RAB3IL1: variants seen among roughly 807,000 people sequenced by gnomAD.
The protein encoded by RAB3IL1 is guanine nucleotide exchange factor for Rab-3A.
RAB3IL1 carries 37 observed loss-of-function variants against 49.2 expected under a neutral mutation model. That is an observed-to-expected ratio of 0.75 (90% CI 0.58 to 0.99). The LOEUF (loss-of-function observed/expected upper bound fraction) is 0.99. Ranked by LOEUF, RAB3IL1 falls within the 50% of genes least tolerant of loss-of-function variation. RAB3IL1 has a pLI of 0.00. For missense variants in RAB3IL1, 484 were observed against 513.0 expected, an observed-to-expected ratio of 0.94 and a Z score of 0.55; for synonymous variants, 193 against 213.9, an observed-to-expected ratio of 0.90 and a Z score of 0.85.
upstream of RAB3IL1, among the ~76,000 whole-genome samples, chr11:61,925,031 T>G (rs1413955686): frequency 6.6e-6 from 1 of 152,198 alleles, no homozygotes; most frequent in Non-Finnish European, 1.5e-5. Context: ...TGGCAGAATG[T>G]GGGGTGAACT....
upstream of RAB3IL1, among the ~76,000 whole-genome samples, chr11:61,918,704 C>T (rs73491251): frequency 0.016 from 2,508 of 152,314 alleles, 65 homozygotes; most frequent in African/African-American, 0.057. Context: ...GCTCTTTCCC[C>T]GCTGGGCACA....
chr11:61,945,522 T>C, the RAB3IL1 span, among the ~76,000 whole-genome samples: 1 of 152,198 alleles, frequency 6.6e-6, no homozygotes, highest in East Asian at 1.9e-4. Context: ...AGTTTCTTTG[T>C]CTGCAAAATG....
At chr11:61,910,865 G>A (rs1939425148) in intron 1 of RAB3IL1, among the ~76,000 whole-genome samples, 1 of 152,244 alleles carries the variant, frequency 6.6e-6, no homozygotes, top group South Asian at 2.1e-4. Flanking sequence ...GCTGCTCACT[G>A]CAGGCCAAGG....
intron 1 of RAB3IL1, among the ~76,000 whole-genome samples, chr11:61,914,712 G>C (rs1939603806): frequency 6.6e-6 from 1 of 152,116 alleles, no homozygotes; most frequent in African/African-American, 2.4e-5. Context: ...GTAGCCCAGG[G>C]CTGGAGCCAT....
chr11:61,907,706 C>A, intron 2 of RAB3IL1, 46 bp from the exon 3 acceptor site: 1 of 1,575,084 alleles, frequency 6.3e-7, no homozygotes, highest in Non-Finnish European at 8.7e-7. Flanking sequence ...CATCCCCAGG[C>A]CTGGCACGGG....
the RAB3IL1 span, among the ~76,000 whole-genome samples, chr11:61,934,450 G>GTATGTA: frequency 9.5e-5 from 3 of 31,614 alleles, no homozygotes; most frequent in Admixed American, 3.7e-4. Context: ...GTGTGTGTAT[G>GTATGTA]TATATATATA....
chr11:61,944,838 C>T, the RAB3IL1 span, among the ~76,000 whole-genome samples: 2 of 152,202 alleles, frequency 1.3e-5, no homozygotes, highest in African/African-American at 4.8e-5. Context: ...GCTGGGATTA[C>T]AGGCATGCGC....
At chr11:61,938,673 C>A in the RAB3IL1 span, among the ~76,000 whole-genome samples, 73 of 152,260 alleles carry the variant, frequency 4.8e-4, no homozygotes, top group African/African-American at 1.4e-3. Context: ...TGCTTCTAAT[C>A]CCAGCACTTT....
chr11:61,940,794 C>T, the RAB3IL1 span, among the ~76,000 whole-genome samples: 1 of 151,996 alleles, frequency 6.6e-6, no homozygotes, highest in Non-Finnish European at 1.5e-5. Flanking sequence ...GTGGCACTTG[C>T]CTATAGTCCC....
At chr11:61,904,709 G>A (rs779554405) in intron 6 of RAB3IL1, 45 bp downstream of exon 6, 22 of 1,583,118 alleles carry the variant, frequency 1.4e-5, no homozygotes, top group African/African-American at 2.7e-5. Flanking sequence ...GGGCCCTGGC[G>A]GAGGGGTGTG....
upstream of RAB3IL1, among the ~76,000 whole-genome samples, chr11:61,924,017 G>C (rs904204364): frequency 1.3e-5 from 2 of 152,112 alleles, no homozygotes; most frequent in Admixed American, 6.5e-5. Flanking sequence ...CTTTGCTCAG[G>C]CCAACCTGGT....
chr11:61,904,433 C>G lies in RAB3IL1; in HGVS notation c.899+113G>C, dbSNP rs1294609754. The G allele has an allele frequency of 2.8e-6, 3 of 1,073,704 alleles. No individual in the cohort carries two copies. In the South Asian group the frequency reaches 4.1e-5, roughly 15 times the overall value. 66.5% of individuals were successfully genotyped at this position (1,073,704 alleles called of 1,614,324 possible). ...CCTCCTTGCCCTGTGGGGGCAGCAA[C>G]TGTCCCTGTCCTGTCGGCGCTGCTG... On this transcript the variant is annotated intron_variant, in intron 7 of 9. Coordinates refer to ENST00000394836, the MANE Select transcript of RAB3IL1 (RefSeq NM_013401.4).
At chr11:61,902,570 G>C (rs1246372876) in intron 7 of RAB3IL1, 29 bp from the exon 8 acceptor site, 1 of 1,554,580 alleles carries the variant, frequency 6.4e-7, no homozygotes, top group African/African-American at 1.3e-5. Context: ...GGTCACGGGG[G>C]CTGGCTGGGG....
At chr11:61,934,556 G>C in the RAB3IL1 span, among the ~76,000 whole-genome samples, 1 of 144,636 alleles carries the variant, frequency 6.9e-6, no homozygotes, top group African/African-American at 2.6e-5. Flanking sequence ...AACTTCAAAA[G>C]TCCCTAAGGG....
Position 61,901,406 on chromosome 11 carries a change from T to G in RAB3IL1, c.999+1036A>C, listed in dbSNP as rs759148629. ...AGGCCCCTTGGCACTCACGGCCGAC[T>G]TAAGGCTGGTGCACCAGACGCACCG... On this transcript the variant is annotated intron_variant, in intron 8 of 9. Coordinates refer to ENST00000394836, the MANE Select transcript of RAB3IL1 (RefSeq NM_013401.4). 3.5e-4 allele frequency among the ~76,000 whole-genome samples: 54 copies of G among 152,212 alleles called. 1 individual carries two copies. The highest frequency in any genetic ancestry group is 1.9e-4 in the Non-Finnish European group (13 of 68,040).
chr11:61,920,181 A>G (rs1939865506), upstream of RAB3IL1: 1 of 1,289,848 alleles, frequency 7.8e-7, no homozygotes, highest in East Asian at 2.9e-5. Flanking sequence ...CGTGCTCCTC[A>G]GAAGAGTCCA....
intron 8 of RAB3IL1, chr11:61,899,825 C>T (rs549299835): frequency 5.4e-6 from 1 of 185,644 alleles, no homozygotes; most frequent in Non-Finnish European, 1.2e-5. Context: ...GGCCTCAGTC[C>T]AGTGCTACTG....
At chr11:61,910,708 G>A (rs1440693242) in intron 1 of RAB3IL1, among the ~76,000 whole-genome samples, 1 of 152,182 alleles carries the variant, frequency 6.6e-6, no homozygotes, top group African/African-American at 2.4e-5. Context: ...CCCTTGCCAA[G>A]AAGACTTCCC....
At chr11:61,938,232 A>AAAAC in the RAB3IL1 span, among the ~76,000 whole-genome samples, 1 of 152,034 alleles carries the variant, frequency 6.6e-6, no homozygotes, top group Admixed American at 6.6e-5. Context: ...GCTATCTACT[A>AAAAC]AAACAAACAA....
Sources: allele counts gnomAD v4.1 joint callset (sites outside exome capture counted in the v4.1 genomes callset), GRCh38; gene constraint gnomAD v4.1.1; transcripts MANE v1.5; gene names NCBI Gene and HGNC (gene_info 2026-07-23, HGNC 2026-07-21).